TMEM245: variants seen among roughly 807,000 people sequenced by gnomAD.
TMEM245 encodes the protein protein CG-2.
Under a neutral mutation model 101.2 loss-of-function variants are expected in TMEM245, and 69 were observed. The ratio of observed to expected loss-of-function variants is 0.68; its 90% confidence interval spans 0.56 to 0.83. TMEM245 has a LOEUF of 0.83. Ranked by LOEUF, TMEM245 falls within the 40% of genes least tolerant of loss-of-function variation. The pLI is 0.00. For synonymous variants in TMEM245, 537 were observed against 449.8 expected (o/e 1.19, Z -2.45); for missense variants, 1,075 against 1,092.8 (o/e 0.98, Z 0.23).
In TMEM245 at chr9:109,020,264, G is replaced by A; in HGVS notation, c.*196C>T. The A allele has an allele frequency of 6.1e-6, 4 of 657,036 alleles. No homozygotes were observed. In the South Asian group the frequency reaches 6.6e-5, roughly 11 times the overall value. The allele number at this position is 657,036 out of a possible 1,614,324, so 40.7% of individuals were successfully genotyped here. A position where few individuals can be genotyped will look rare whatever the true frequency, so the allele number is the denominator to read the frequency against. On this transcript the variant is annotated 3_prime_UTR_variant, in exon 18 of 18. Coordinates refer to ENST00000374586, the MANE Select transcript of TMEM245 (RefSeq NM_032012.4). Reference sequence around the variant, plus strand: ...CAAACCACCAACTCTGAACTCTCAAGCTGTGTTTTAAAATACAAAGCAGCC... The same window carrying A: ...CAAACCACCAACTCTGAACTCTCAAACTGTGTTTTAAAATACAAAGCAGCC...
chr9:109,051,433 G>A (rs906732614), intron 12 of TMEM245, among the ~76,000 whole-genome samples: 3 of 151,868 alleles, frequency 2.0e-5, no homozygotes, highest in Middle Eastern at 6.8e-3. Context: ...TGTGTCATTA[G>A]GCAATTTCGT....
intron 5 of TMEM245, among the ~76,000 whole-genome samples, chr9:109,090,217 C>T (rs1237224668): frequency 2.0e-5 from 3 of 151,846 alleles, no homozygotes; most frequent in African/African-American, 4.8e-5. Context: ...GCTGAGATCG[C>T]GCCACTGCAA....
At position 109,018,304 on chromosome 9, in the gene TMEM245, T is replaced by A. The variant is rs371312177; in HGVS notation, c.*2156A>T. 2.6e-5 allele frequency: 4 copies of A among 152,338 alleles called. No individual in the cohort carries two copies. In the East Asian group the frequency reaches 7.7e-4, roughly 29 times the overall value. 9.4% of individuals were successfully genotyped at this position (152,338 alleles called of 1,614,324 possible). On this transcript the variant is annotated 3_prime_UTR_variant, in exon 18 of 18. Coordinates refer to ENST00000374586, the MANE Select transcript of TMEM245 (RefSeq NM_032012.4). ...AATGCAAAAAATTTAAATTTAGTAT[T>A]ACATATGATCTGGCTAAGAGCAAGA...
At chr9:109,041,292 AAAG>A (rs1828296204) in intron 14 of TMEM245, among the ~76,000 whole-genome samples, 5 of 152,000 alleles carry the variant, frequency 3.3e-5, no homozygotes, top group Admixed American at 3.3e-4. Context: ...AGCCCCCCCA[AAAG>A]AAGGAAATCC....
Position 109,086,120 on chromosome 9 carries a change from GGAAACCATCCCA to G in TMEM245, c.1321-112_1321-101del, listed in dbSNP as rs950326658. 28 of 1,308,912 alleles carry G rather than the reference GGAAACCATCCCA, an allele frequency of 2.1e-5. No homozygotes were observed. The Admixed American group carries it at 4.9e-4, about 23-fold the overall frequency. The allele number at this position is 1,308,912 out of a possible 1,614,324, so 81.1% of individuals were successfully genotyped here. A position where few individuals can be genotyped will look rare whatever the true frequency, so the allele number is the denominator to read the frequency against. On this transcript the variant is annotated intron_variant, in intron 6 of 17. Transcript: ENST00000374586. ...TGAAAAGAAAAGGAAAGCATGAGAA[GGAAACCATCCCA>G]GACAAAGGAAAAACTAGGGACGGAA...
chr9:109,117,069 C>T lies in TMEM245; in HGVS notation c.579+2266G>A, dbSNP rs111861550. ...TTTTTTTTAACCCTCTCTCTTTTTCCTTGCTCCCAACACTTGAGCCAAACA... is the reference window on the plus strand; with the variant it reads ...TTTTTTTTAACCCTCTCTCTTTTTCTTTGCTCCCAACACTTGAGCCAAACA... On this transcript the variant is annotated intron_variant, in intron 1 of 17. Transcript: ENST00000374586. Among the ~76,000 whole-genome samples, 82 of 151,974 alleles carry T rather than the reference C, an allele frequency of 5.4e-4. 1 individual carries two copies. The highest frequency in any genetic ancestry group is 1.9e-3 in the African/African-American group (79 of 41,438).
chr9:109,075,163 G>C (rs1355243427), intron 8 of TMEM245, among the ~76,000 whole-genome samples: 1 of 152,202 alleles, frequency 6.6e-6, no homozygotes, highest in Non-Finnish European at 1.5e-5. Context: ...CTGGATTTGA[G>C]ACCTATCTTA....
Position 109,036,223 on chromosome 9 carries a change from G to C in TMEM245, c.2382C>G (p.Ile794Met), listed in dbSNP as rs2919822. 12 of 1,610,368 alleles carry C rather than the reference G, an allele frequency of 7.5e-6. No homozygotes were observed. The South Asian group carries it at 8.8e-5, about 12-fold the overall frequency. ...LLPTYFVDTA[I>M]YSDISGGGHP... Reference sequence around the variant, plus strand: ...TTACTTACCCTGATATGTCAGAGTAGATTGCAGTATCTACAAAGTATGTTG... The same window carrying C: ...TTACTTACCCTGATATGTCAGAGTACATTGCAGTATCTACAAAGTATGTTG... The change falls in exon 16 of 18, where the codon ATC becomes ATG. Residue 794 changes from isoleucine to methionine, a missense_variant. This residue lies in a region of TMEM245 where 267 missense variants were observed against 351.3 expected (regional missense o/e 0.76). Transcript: ENST00000374586.
chr9:109,111,238 G>C (rs1192374855), intron 1 of TMEM245, among the ~76,000 whole-genome samples: 1 of 152,092 alleles, frequency 6.6e-6, no homozygotes, highest in Admixed American at 6.5e-5. Flanking sequence ...CTCAGTAAAA[G>C]GACAGGTTTT....
chr9:109,112,442 G>A (rs1830590638), intron 1 of TMEM245, among the ~76,000 whole-genome samples: 1 of 151,730 alleles, frequency 6.6e-6, no homozygotes, highest in African/African-American at 2.4e-5. Context: ...TTGGGAGGCT[G>A]AGGCAGGAGA....
intron 15 of TMEM245, among the ~76,000 whole-genome samples, chr9:109,037,196 G>A (rs967466415): frequency 2.0e-5 from 3 of 152,206 alleles, no homozygotes; most frequent in Non-Finnish European, 4.4e-5. Flanking sequence ...CAGATCTTAA[G>A]AGGTATGGAG....
intron 8 of TMEM245, among the ~76,000 whole-genome samples, chr9:109,078,521 A>G (rs1829581941): frequency 6.6e-6 from 1 of 152,204 alleles, no homozygotes; most frequent in Admixed American, 6.6e-5. Context: ...ACTGACTATA[A>G]AAGTATTGTT....
intron 9 of TMEM245, among the ~76,000 whole-genome samples, chr9:109,068,614 G>C (rs1829241598): frequency 6.6e-6 from 1 of 152,136 alleles, no homozygotes; most frequent in Non-Finnish European, 1.5e-5. Flanking sequence ...ACTCCAGCCT[G>C]GGTTAGAGTG....
chr9:109,016,010 A>G lies in TMEM245; in HGVS notation c.*4450T>C, dbSNP rs1008724032. 13 of 152,598 alleles carry G rather than the reference A, an allele frequency of 8.5e-5. No individual in the cohort carries two copies. The highest frequency in any genetic ancestry group is 2.6e-4 in the Admixed American group (4 of 15,280). 9.5% of individuals were successfully genotyped at this position (152,598 alleles called of 1,614,324 possible). On this transcript the variant is annotated 3_prime_UTR_variant, in exon 18 of 18. Coordinates refer to ENST00000374586, the MANE Select transcript of TMEM245 (RefSeq NM_032012.4). ...TGGACTTCAAGATTTATTACACACTACATGGTACCACAGTAATAGATCTGC... is the reference window on the plus strand; with the variant it reads ...TGGACTTCAAGATTTATTACACACTGCATGGTACCACAGTAATAGATCTGC...
Position 109,035,940 on chromosome 9 carries a change from C to CA in TMEM245, c.2399+265dup, listed in dbSNP as rs10552841. On this transcript the variant is annotated intron_variant, in intron 16 of 17. Transcript: ENST00000374586. ...AGTCTGAGTGAAAGAGATATTGTCT[C>CA]AAAAAAAAAAAAAAAAAAAAGTTGC... 209 of 73,152 alleles carry CA rather than the reference C, an allele frequency of 2.9e-3. 1 individual carries two copies. Among genetic ancestry groups the CA allele is most frequent in the South Asian group, 9.1e-3 (19 of 2,084 alleles). 4.5% of individuals were successfully genotyped at this position (73,152 alleles called of 1,614,324 possible).
chr9:109,062,671 A>G (rs1297456966), intron 10 of TMEM245, among the ~76,000 whole-genome samples: 1 of 152,198 alleles, frequency 6.6e-6, no homozygotes, highest in Non-Finnish European at 1.5e-5. Context: ...TAAATATTCA[A>G]TATAATAAAG....
At chr9:109,050,541 A>C in intron 13 of TMEM245, 29 bp downstream of exon 13, 1 of 1,613,896 alleles carries the variant, frequency 6.2e-7, no homozygotes, top group Non-Finnish European at 8.5e-7. Flanking sequence ...GGAAGGAAAT[A>C]TGACGTGTAC....
intron 7 of TMEM245, among the ~76,000 whole-genome samples, chr9:109,083,928 A>G (rs1017420465): frequency 1.4e-5 from 2 of 141,244 alleles, no homozygotes; most frequent in Non-Finnish European, 1.5e-5. Context: ...AAAAAAAAAA[A>G]ACACCAGGCA....
chr9:109,046,443 T>A (rs746471415), intron 14 of TMEM245: 8 of 360,582 alleles, frequency 2.2e-5, no homozygotes, highest in Non-Finnish European at 4.1e-5. Flanking sequence ...GAAAACCCAA[T>A]TGCAAATGTA....
Sources: gnomAD v4.1 joint callset for allele counts (sites outside exome capture counted in the v4.1 genomes callset) on GRCh38, gnomAD v4.1.1 for gene constraint, gnomAD v4.1.1 regional missense constraint, MANE v1.5 for transcripts, NCBI Gene and HGNC (gene_info 2026-07-23, HGNC 2026-07-21) for gene names.